The following ZNF536 variants were observed in gnomAD, a reference collection of about 807,000 sequenced individuals.
ZNF536 encodes zinc finger protein 536.
In ZNF536, 13 loss-of-function variants were observed where a neutral mutation model predicts 84.5. The ratio of observed to expected loss-of-function variants is 0.15; its 90% confidence interval spans 0.10 to 0.24. The LOEUF (loss-of-function observed/expected upper bound fraction) is 0.24. ZNF536 is among the 10% of genes least tolerant of loss of function. The pLI is 1.00. For missense variants in ZNF536, 1,536 were observed against 1,747.5 expected (o/e 0.88, Z 2.16); for synonymous variants, 811 against 742.5 (o/e 1.09, Z -1.50).
chr19:30,506,598 T>A (rs1005706308), intron 2 of ZNF536, among the ~76,000 whole-genome samples: 1 of 152,202 alleles, frequency 6.6e-6, no homozygotes, highest in Non-Finnish European at 1.5e-5. Flanking sequence ...ACTGTGGACA[T>A]TGGCAGATCT....
Position 30,424,422 on chromosome 19 carries a change from G to A in ZNF536, c.-2-19139G>A, listed in dbSNP as rs559996318. On this transcript the variant is annotated intron_variant, in intron 1 of 4. Transcript: ENST00000355537. ...CCTGTGCAACATCAAACACCCTGGG[G>A]CTCCCCTGTCATGGACAGCAGACTG... Among the ~76,000 whole-genome samples, 10 of 152,300 alleles carry A rather than the reference G, an allele frequency of 6.6e-5. No individual in the cohort carries two copies. In the East Asian group the frequency reaches 1.7e-3, roughly 27 times the overall value.
rs146776148 is a variant in ZNF536 at position 30,397,473 on chromosome 19, G to A, written c.-3+24917G>A. 3.9e-3 allele frequency among the ~76,000 whole-genome samples: 596 copies of A among 152,274 alleles called. 6 individuals carry two copies. Among genetic ancestry groups the A allele is most frequent in the African/African-American group, 0.013 (559 of 41,548 alleles). ...TGCCAAACTATCTATCATTATTCAG[G>A]ATATTACTATTGGGAGAAACTGGGT... On this transcript the variant is annotated intron_variant, in intron 1 of 4. Coordinates refer to ENST00000355537, the MANE Select transcript of ZNF536 (RefSeq NM_014717.3).
intron 1 of ZNF536, among the ~76,000 whole-genome samples, chr19:30,614,815 T>C (rs1203280869): frequency 6.6e-6 from 1 of 151,478 alleles, no homozygotes; most frequent in Non-Finnish European, 1.5e-5. Context: ...TTTTGTTTAT[T>C]TTTTTATCAT....
chr19:30,227,401 A>G (rs1471694023), upstream of ZNF536, among the ~76,000 whole-genome samples: 1 of 151,992 alleles, frequency 6.6e-6, no homozygotes, highest in Non-Finnish European at 1.5e-5. Flanking sequence ...CGCAGTGGCC[A>G]GGGGCTGGGG....
intron 1 of ZNF536, among the ~76,000 whole-genome samples, chr19:30,700,852 T>C (rs960394536): frequency 1.3e-5 from 2 of 152,238 alleles, no homozygotes; most frequent in African/African-American, 4.8e-5. Context: ...ATTGCCTAAA[T>C]GTTCCTAATT....
At chr19:30,462,278 C>A (rs535154474) in intron 2 of ZNF536, among the ~76,000 whole-genome samples, 1 of 149,746 alleles carries the variant, frequency 6.7e-6, no homozygotes, top group Admixed American at 6.7e-5. Flanking sequence ...CCAGCAGGTT[C>A]TTTTCTTGTG....
chr19:30,382,170 A>T (rs572866062), intron 1 of ZNF536, among the ~76,000 whole-genome samples: 1 of 152,246 alleles, frequency 6.6e-6, no homozygotes, highest in East Asian at 1.9e-4. Context: ...CTCTGCATCC[A>T]TGTCCCATTT....
At chr19:30,453,414 T>G (rs1173690188) in intron 2 of ZNF536, among the ~76,000 whole-genome samples, 1 of 152,200 alleles carries the variant, frequency 6.6e-6, no homozygotes. Context: ...ATCTATTTGT[T>G]TTGTGTTGCA....
In ZNF536 at chr19:30,423,194, T is replaced by C. The variant is rs371587345; in HGVS notation, c.-2-20367T>C. ...CTAACCATCTTCTATTTAGCCCTTC[T>C]CTTTCTCTCCCTTACTTTCTTCCTT... On this transcript the variant is annotated intron_variant, in intron 1 of 4. Coordinates refer to ENST00000355537, the MANE Select transcript of ZNF536 (RefSeq NM_014717.3). 4.6e-4 allele frequency among the ~76,000 whole-genome samples: 70 copies of C among 151,526 alleles called. 1 individual carries two copies. The East Asian group carries it at 9.2e-3, about 20-fold the overall frequency.
chr19:30,273,260 A>G (rs1229232647), intron 1 of ZNF536, among the ~76,000 whole-genome samples: 2 of 152,028 alleles, frequency 1.3e-5, no homozygotes, highest in Non-Finnish European at 2.9e-5. Context: ...CATTTGTATA[A>G]ATATCAAGGA....
At chr19:30,437,573 G>C (rs2051808707) in intron 1 of ZNF536, among the ~76,000 whole-genome samples, 1 of 152,066 alleles carries the variant, frequency 6.6e-6, no homozygotes, top group Non-Finnish European at 1.5e-5. Flanking sequence ...TGCAGCACAG[G>C]GGTTTCCACA....
chr19:30,630,455 G>A (rs547549406), intron 1 of ZNF536, among the ~76,000 whole-genome samples: 9 of 152,100 alleles, frequency 5.9e-5, no homozygotes, highest in East Asian at 3.9e-4. Flanking sequence ...GTGTGCACAC[G>A]TCCTGCATTT....
intron 1 of ZNF536, among the ~76,000 whole-genome samples, chr19:30,281,849 C>G (rs772211928): frequency 1.3e-5 from 2 of 152,172 alleles, no homozygotes; most frequent in Non-Finnish European, 2.9e-5. Flanking sequence ...TGAGCTGCAC[C>G]AAACTGGGCT....
chr19:30,637,716 T>A (rs2049121569), intron 1 of ZNF536, among the ~76,000 whole-genome samples: 1 of 152,176 alleles, frequency 6.6e-6, no homozygotes, highest in Non-Finnish European at 1.5e-5. Flanking sequence ...GCATCACCCC[T>A]TTTTTCTCTT....
intron 1 of ZNF536, among the ~76,000 whole-genome samples, chr19:30,686,826 C>T (rs2051207140): frequency 6.6e-6 from 1 of 152,130 alleles, no homozygotes; most frequent in Non-Finnish European, 1.5e-5. Flanking sequence ...GTGCAACTCT[C>T]AGTCTCCGAT....
intron 2 of ZNF536, among the ~76,000 whole-genome samples, chr19:30,533,042 A>G (rs1025736470): frequency 1.3e-5 from 2 of 152,178 alleles, no homozygotes; most frequent in Admixed American, 6.5e-5. Flanking sequence ...AAGCTAGGTA[A>G]TTATACCCTT....
chr19:30,676,186 C>G (rs1163475376), intron 1 of ZNF536, among the ~76,000 whole-genome samples: 1 of 152,182 alleles, frequency 6.6e-6, no homozygotes, highest in African/African-American at 2.4e-5. Flanking sequence ...AAACTTCAAA[C>G]ACTTTGGGAA....
At chr19:30,450,952 G>A (rs1389071409) in intron 2 of ZNF536, among the ~76,000 whole-genome samples, 3 of 152,216 alleles carry the variant, frequency 2.0e-5, no homozygotes, top group Admixed American at 6.5e-5. Flanking sequence ...AAAGCCGAGC[G>A]CCATATGCAG....
chr19:30,645,012 T>C (rs55832335), intron 1 of ZNF536, among the ~76,000 whole-genome samples: 2,431 of 151,986 alleles, frequency 0.016, 60 homozygotes, highest in African/African-American at 0.057. Flanking sequence ...TATTTCTCCA[T>C]ATCTTCTCCA....
Sources: gnomAD v4.1 joint callset for allele counts (sites outside exome capture counted in the v4.1 genomes callset) on GRCh38, gnomAD v4.1.1 for gene constraint, MANE v1.5 for transcripts, NCBI Gene and HGNC (gene_info 2026-07-23, HGNC 2026-07-21) for gene names.